MARK1: variants seen among roughly 807,000 people sequenced by gnomAD.
MARK1 encodes serine/threonine-protein kinase MARK1.
In MARK1, 40 loss-of-function variants were observed where a neutral mutation model predicts 96.3. The ratio of observed to expected loss-of-function variants is 0.42; its 90% CI spans 0.32 to 0.54. The LOEUF (loss-of-function observed/expected upper bound fraction) is 0.54, where lower values mean the gene tolerates loss of function less well. Ranked by LOEUF, MARK1 falls within the 20% of genes least tolerant of loss-of-function variation. MARK1 has a pLI of 0.16. For synonymous variants in MARK1, 317 were observed against 341.2 expected, an observed-to-expected ratio of 0.93 and a Z score of 0.78; for missense variants, 719 against 984.6, an observed-to-expected ratio of 0.73 and a Z score of 3.61.
intron 6 of MARK1, among the ~76,000 whole-genome samples, chr1:220,612,554 G>C (rs1666511945): frequency 6.6e-6 from 1 of 151,848 alleles, no homozygotes; most frequent in African/African-American, 2.4e-5. Context: ...AACTAAAAAA[G>C]TTACTAACTC....
chr1:220,549,538 C>T (rs1572061564), intron 1 of MARK1, among the ~76,000 whole-genome samples: 1 of 152,138 alleles, frequency 6.6e-6, no homozygotes, highest in African/African-American at 2.4e-5. Flanking sequence ...AAAAGTATTA[C>T]ATTTACAACA....
rs1208650655 is a variant in MARK1 at position 220,617,555 on chromosome 1, T to C, written c.553-755T>C. Among the ~76,000 whole-genome samples, 5 of 152,300 alleles carry C rather than the reference T, an allele frequency of 3.3e-5. No homozygotes were observed. The East Asian group carries it at 9.6e-4, about 29-fold the overall frequency. ...TAAAACATGTACAAAAGCAAGTCCT[T>C]TATTGAGTTGCTTCTGTTTACAAAA... On this transcript the variant is annotated intron_variant, in intron 7 of 17. Transcript: ENST00000366917.
At chr1:220,579,943 G>C (rs1016781714) in intron 2 of MARK1, among the ~76,000 whole-genome samples, 2 of 152,060 alleles carry the variant, frequency 1.3e-5, no homozygotes, top group Non-Finnish European at 2.9e-5. Flanking sequence ...ATTTGTATCT[G>C]TTTAGAGACT....
chr1:220,584,822 T>G (rs528316249), intron 3 of MARK1, among the ~76,000 whole-genome samples: 21 of 152,228 alleles, frequency 1.4e-4, no homozygotes, highest in Non-Finnish European at 2.9e-4. Context: ...TTTGGAAATA[T>G]TCCTTAACAA....
intron 1 of MARK1, among the ~76,000 whole-genome samples, chr1:220,551,865 C>T (rs1015037974): frequency 2.0e-4 from 31 of 152,266 alleles, no homozygotes; most frequent in Middle Eastern, 3.4e-3. Context: ...CCTTTGCTCT[C>T]GGCAAACACT....
At chr1:220,593,125 A>G (rs1159973638) in intron 3 of MARK1, among the ~76,000 whole-genome samples, 1 of 152,202 alleles carries the variant, frequency 6.6e-6, no homozygotes, top group African/African-American at 2.4e-5. Flanking sequence ...TAATAATGCT[A>G]CTTATATTAA....
intron 3 of MARK1, among the ~76,000 whole-genome samples, chr1:220,589,696 G>A (rs1297545618): frequency 6.6e-6 from 1 of 152,096 alleles, no homozygotes; most frequent in African/African-American, 2.4e-5. Context: ...CAGCAAACCT[G>A]AAACAGTAAA....
intron 1 of MARK1, among the ~76,000 whole-genome samples, chr1:220,573,622 C>T (rs751801616): frequency 3.9e-5 from 6 of 152,038 alleles, no homozygotes; most frequent in Admixed American, 1.3e-4. Context: ...TGTGCCCGGC[C>T]GAGGCTTTAT....
rs751124307 is a variant in MARK1, at chr1:220,654,552, A to G, written c.1988+1200A>G. Among the ~76,000 whole-genome samples the G allele has an allele frequency of 1.3e-5, 2 of 152,330 alleles. No individual in the cohort carries two copies. The highest frequency in any genetic ancestry group is 2.9e-5 in the Non-Finnish European group (2 of 68,024). On this transcript the variant is annotated intron_variant, in intron 16 of 17. Coordinates refer to ENST00000366917, the MANE Select transcript of MARK1 (RefSeq NM_018650.5). This position sits in a 1 kb window ranked among gnomAD's most constrained non-coding sequence, Gnocchi z 4.0. ...ACTTTGTACCATTGGGGCAATTACT[A>G]TGCAGCATGAAACTTGCTAGAGAAA...
chr1:220,629,597 C>T (rs1294270948), intron 9 of MARK1, among the ~76,000 whole-genome samples: 2 of 152,000 alleles, frequency 1.3e-5, no homozygotes, highest in Admixed American at 6.6e-5. Flanking sequence ...ACTCATTGAA[C>T]AAATCACCAT....
At chr1:220,644,495 AC>A (rs1470866882) in intron 13 of MARK1, among the ~76,000 whole-genome samples, 11 of 138,236 alleles carry the variant, frequency 8.0e-5, no homozygotes, top group African/African-American at 2.6e-4. Flanking sequence ...AGACTTTAAT[AC>A]CCCACTGTCA....
chr1:220,533,183 C>T (rs1239006593), intron 1 of MARK1, among the ~76,000 whole-genome samples: 3 of 152,206 alleles, frequency 2.0e-5, no homozygotes, highest in African/African-American at 7.2e-5. Context: ...TATGGCTTGT[C>T]TCATTGTTTT....
chr1:220,631,011 C>T (rs1256370980), intron 9 of MARK1, 24 bp from the exon 10 acceptor site: 3 of 1,486,798 alleles, frequency 2.0e-6, no homozygotes, highest in Admixed American at 1.7e-5. Flanking sequence ...ATTGACCACA[C>T]ATAATGTAGA....
chr1:220,538,240 G>A (rs1660866015), intron 1 of MARK1, among the ~76,000 whole-genome samples: 2 of 152,046 alleles, frequency 1.3e-5, no homozygotes, highest in South Asian at 4.2e-4. Flanking sequence ...AATCCATCTT[G>A]AATTCATTTT....
At position 220,635,990 on chromosome 1, in the gene MARK1, A is replaced by G; in HGVS notation, c.1434A>G (p.Val478=). 6.2e-7 allele frequency: 1 copy of G among 1,612,610 alleles called. No individual in the cohort carries two copies. The highest frequency in any genetic ancestry group is 8.5e-7 in the Non-Finnish European group (1 of 1,179,550). ...SKSEMTASPL[V]GPERKKSSTI... Reference sequence around the variant, plus strand: ...GCGAGATGACTGCAAGCCCTCTTGTAGGGCCAGAGAGGAAAAAATCTTCAA... The same window carrying G: ...GCGAGATGACTGCAAGCCCTCTTGTGGGGCCAGAGAGGAAAAAATCTTCAA... The change falls in exon 13 of 18, where the codon GTA becomes GTG. Residue 478 remains valine (V), a synonymous_variant. Transcript: ENST00000366917.
chr1:220,540,802 T>G (rs936657608), intron 1 of MARK1, among the ~76,000 whole-genome samples: 4 of 152,174 alleles, frequency 2.6e-5, no homozygotes, highest in Non-Finnish European at 5.9e-5. Flanking sequence ...TTTCTGTTGT[T>G]TTTGTATTCA....
At chr1:220,628,184 A>C (rs1667456172) in intron 9 of MARK1, 1 of 152,134 alleles carries the variant, frequency 6.6e-6, no homozygotes, top group Non-Finnish European at 1.5e-5. Context: ...ACCCCTTCAA[A>C]AAGGCTCTCT....
At chr1:220,534,502 G>A (rs1362293588) in intron 1 of MARK1, among the ~76,000 whole-genome samples, 2 of 151,812 alleles carry the variant, frequency 1.3e-5, no homozygotes, top group African/African-American at 4.8e-5. Context: ...TCATGAGATC[G>A]CTTTTTTAAC....
intron 9 of MARK1, among the ~76,000 whole-genome samples, chr1:220,622,827 G>A (rs550307071): frequency 2.8e-4 from 42 of 152,158 alleles, no homozygotes; most frequent in Non-Finnish European, 5.3e-4. Context: ...TGAGGATGCT[G>A]TAAGCCATGA....
Sources: allele counts gnomAD v4.1 joint callset (sites outside exome capture counted in the v4.1 genomes callset), GRCh38; gene constraint gnomAD v4.1.1; non-coding constraint Gnocchi (gnomAD v3.1); transcripts MANE v1.5; gene names NCBI Gene and HGNC (gene_info 2026-07-23, HGNC 2026-07-21).